MRAP2: variants seen among roughly 807,000 people sequenced by gnomAD.
MRAP2 encodes melanocortin-2 receptor accessory protein 2.
A neutral mutation model predicts 17.4 loss-of-function variants in MRAP2; 20 were observed. The ratio of observed to expected loss-of-function variants is 1.15; its 90% CI spans 0.81 to 1.67. The LOEUF is 1.67. Among genes scored for constraint, MRAP2 ranks in the 40% most tolerant of loss-of-function variants. The probability of loss-of-function intolerance (pLI) is 0.00; values close to 1 mark genes in which losing one functional copy is unlikely to be tolerated. For missense variants in MRAP2, 238 were observed against 240.0 expected (o/e 0.99, Z 0.05); for synonymous variants, 96 against 88.4 (o/e 1.09, Z -0.48).
At chr6:84,109,346 C>A in the MRAP2 span, among the ~76,000 whole-genome samples, 2 of 152,096 alleles carry the variant, frequency 1.3e-5, no homozygotes, top group Non-Finnish European at 2.9e-5. Flanking sequence ...TCTCTGATTT[C>A]TTTGAGCAGT....
At chr6:84,124,510 G>C in the MRAP2 span, 3 of 152,998 alleles carry the variant, frequency 2.0e-5, no homozygotes, top group South Asian at 6.2e-4. Context: ...TCACTTAAAA[G>C]TAGGAGCTAA....
At chr6:84,045,374 T>C in intron 1 of MRAP2, 1 of 985,242 alleles carries the variant, frequency 1.0e-6, no homozygotes, top group Non-Finnish European at 1.2e-6. Flanking sequence ...TAGGCAAGCC[T>C]GCCCCCAAGA....
chr6:84,116,568 G>A, the MRAP2 span, among the ~76,000 whole-genome samples: 8 of 152,080 alleles, frequency 5.3e-5, 1 homozygote, highest in African/African-American at 1.7e-4. Context: ...GTCTTATGCC[G>A]ATTTTCAAGG....
intron 2 of MRAP2, chr6:84,062,232 G>A (rs891795130): frequency 2.4e-6 from 1 of 424,738 alleles, no homozygotes; most frequent in Non-Finnish European, 3.1e-6. Context: ...CAATGCTTCT[G>A]TAACAATAGC....
chr6:84,102,970 G>T, the MRAP2 span, among the ~76,000 whole-genome samples: 1 of 152,200 alleles, frequency 6.6e-6, no homozygotes, highest in East Asian at 1.9e-4. Context: ...TGATGACAGA[G>T]CTTCAGTAAT....
chr6:84,081,720 G>T (rs2099499054), intron 3 of MRAP2, among the ~76,000 whole-genome samples: 1 of 152,228 alleles, frequency 6.6e-6, no homozygotes, highest in Non-Finnish European at 1.5e-5. Flanking sequence ...TTGGGAGGCT[G>T]CGGCAGGAGG....
intron 1 of MRAP2, among the ~76,000 whole-genome samples, chr6:84,054,400 A>T (rs562443400): frequency 6.6e-6 from 1 of 152,310 alleles, no homozygotes; most frequent in African/African-American, 2.4e-5. Context: ...TTTGGTCTAA[A>T]ATAGTCACAG....
At chr6:84,108,323 C>T in the MRAP2 span, among the ~76,000 whole-genome samples, 4 of 152,132 alleles carry the variant, frequency 2.6e-5, no homozygotes, top group Non-Finnish European at 4.4e-5. Context: ...TTTTTCTCCA[C>T]AACCTTGCCA....
intron 3 of MRAP2, chr6:84,063,343 A>G (rs1259036179): frequency 1.0e-6 from 1 of 985,214 alleles, no homozygotes; most frequent in Admixed American, 6.1e-5. Flanking sequence ...TATTAAAAAC[A>G]GTGGAAAAGA....
rs1463833852 is a variant in MRAP2 at position 84,060,834 on chromosome 6, T to C, written c.128-2059T>C. Among the ~76,000 whole-genome samples, 63 of 149,658 alleles carry C rather than the reference T, an allele frequency of 4.2e-4. 1 individual carries two copies. Among genetic ancestry groups the C allele is most frequent in the African/African-American group, 8.0e-4 (32 of 40,186 alleles). ...CCGAGTAGCTGGGACTACAGGCGCC[T>C]GCCACCACACCCGGCTAATTTTTTT... On this transcript the variant is annotated intron_variant, in intron 2 of 3. Transcript: ENST00000257776.
intron 1 of MRAP2, among the ~76,000 whole-genome samples, chr6:84,040,210 C>T (rs139356022): frequency 2.6e-4 from 39 of 152,294 alleles, no homozygotes; most frequent in Admixed American, 2.2e-3. Context: ...TCCTTGCTGC[C>T]GCTATGTAAA....
chr6:84,080,548 A>G (rs1562889565), intron 3 of MRAP2, among the ~76,000 whole-genome samples: 1 of 152,210 alleles, frequency 6.6e-6, no homozygotes, highest in Non-Finnish European at 1.5e-5. Context: ...ATCAGTGTCA[A>G]AAGCCTTTTA....
the MRAP2 span, among the ~76,000 whole-genome samples, chr6:84,133,468 A>G: frequency 1.3e-5 from 2 of 152,158 alleles, no homozygotes; most frequent in African/African-American, 2.4e-5. Context: ...GGTGGAGTCT[A>G]TAGAGGCAGG....
Position 84,062,874 on chromosome 6 carries a change from A to T in MRAP2, c.128-19A>T. ...TAAACTACTGTGAAATACTAATCCC[A>T]GAATTAACTGTCTTTCAGATTCCAT... On this transcript the variant is annotated intron_variant, in intron 2 of 3. Coordinates refer to ENST00000257776, the MANE Select transcript of MRAP2 (RefSeq NM_138409.4). 2 of 1,614,032 alleles carry T rather than the reference A, an allele frequency of 1.2e-6. No individual in the cohort carries two copies. Among genetic ancestry groups the T allele is most frequent in the Non-Finnish European group, 1.7e-6 (2 of 1,179,924 alleles).
chr6:84,069,767 G>T (rs563172180), intron 3 of MRAP2, among the ~76,000 whole-genome samples: 4 of 151,920 alleles, frequency 2.6e-5, no homozygotes, highest in African/African-American at 4.8e-5. Flanking sequence ...TTTTAATCTC[G>T]CTGCTTGTTA....
chr6:84,088,304 T>C (rs1367866180), intron 3 of MRAP2, among the ~76,000 whole-genome samples: 1 of 152,240 alleles, frequency 6.6e-6, no homozygotes, highest in Non-Finnish European at 1.5e-5. Context: ...TTACCTGGGC[T>C]CTTTCTTTCA....
At chr6:84,060,629 TTTAA>T (rs2099492873) in intron 2 of MRAP2, among the ~76,000 whole-genome samples, 1 of 152,090 alleles carries the variant, frequency 6.6e-6, no homozygotes, top group Non-Finnish European at 1.5e-5. Flanking sequence ...ATAGTTGAGA[TTTAA>T]TTGTTTCATG....
At chr6:84,072,900 G>A (rs918467804) in intron 3 of MRAP2, among the ~76,000 whole-genome samples, 2 of 152,084 alleles carry the variant, frequency 1.3e-5, no homozygotes, top group African/African-American at 4.8e-5. Flanking sequence ...CATACAAATC[G>A]AAGGGCCGGT....
intron 1 of MRAP2, among the ~76,000 whole-genome samples, chr6:84,050,160 A>G (rs1002524160): frequency 6.6e-6 from 1 of 152,194 alleles, no homozygotes; most frequent in Non-Finnish European, 1.5e-5. Context: ...TCCACGCCCC[A>G]GGAAAGACAT....
Sources: gnomAD v4.1 joint callset for allele counts (sites outside exome capture counted in the v4.1 genomes callset) on GRCh38, gnomAD v4.1.1 for gene constraint, MANE v1.5 for transcripts, NCBI Gene and HGNC (gene_info 2026-07-23, HGNC 2026-07-21) for gene names.